Variants in UNC13A observed in about 807,000 individuals in gnomAD.
The protein encoded by UNC13A is protein unc-13 homolog A.
Under a neutral mutation model 219.7 loss-of-function variants are expected in UNC13A, and 61 were observed. That is an observed-to-expected ratio of 0.28 (90% CI 0.23 to 0.34). The LOEUF is 0.34. Ranked by LOEUF, UNC13A falls within the 10% of genes least tolerant of loss-of-function variation. UNC13A has a pLI of 1.00. For synonymous variants in UNC13A, 920 were observed against 884.6 expected (o/e 1.04, Z -0.71); for missense variants, 1,476 against 2,270.3 (o/e 0.65, Z 7.11).
intron 10 of UNC13A, 117 bp downstream of exon 10, chr19:17,655,766 G>A: frequency 7.0e-7 from 1 of 1,423,250 alleles, no homozygotes; most frequent in Non-Finnish European, 9.1e-7. Flanking sequence ...AGAAACCCAA[G>A]AGCCTGTGAC....
chr19:17,606,001 C>T lies in UNC13A; in HGVS notation c.*53G>A. 1 of 1,382,254 alleles carries T rather than the reference C, an allele frequency of 7.2e-7. No individual in the cohort carries two copies. The highest frequency in any genetic ancestry group is 3.0e-5 in the East Asian group (1 of 32,820). 85.6% of individuals were successfully genotyped at this position (1,382,254 alleles called of 1,614,324 possible). On this transcript the variant is annotated 3_prime_UTR_variant, in exon 44 of 44. Coordinates refer to ENST00000519716, the MANE Select transcript of UNC13A (RefSeq NM_001080421.3). ...CCACCAAGGCGCAAGCCCCGTCCCT[C>T]CCCGCCCAGCGCCCTCCGCGCAGGC...
At position 17,656,308 on chromosome 19, in the gene UNC13A, G is replaced by A. The variant is rs369843698; in HGVS notation, c.858C>T (p.Ser286=). Residue 286 remains serine (S), a synonymous_variant, in exon 10 of 44, where the codon AGC becomes AGT. Transcript: ENST00000519716. ...LSEDFDPDEH[S]LQGSDMEDER... ...CATCCTCCATGTCGGAGCCCTGCAG[G>A]CTGTGCTCGTCAGGGTCGAAGTCCT... 340 of 1,554,712 alleles carry A rather than the reference G, an allele frequency of 2.2e-4. No homozygotes were observed. Among genetic ancestry groups the A allele is most frequent in the Non-Finnish European group, 2.8e-4 (320 of 1,149,100 alleles).
chr19:17,667,373 G>A (rs2145895927), intron 6 of UNC13A, among the ~76,000 whole-genome samples: 1 of 152,290 alleles, frequency 6.6e-6, no homozygotes, highest in East Asian at 1.9e-4. Flanking sequence ...TTTGAGTAAT[G>A]CCATGGAATT....
At position 17,619,964 on chromosome 19, in the gene UNC13A, T is replaced by A. The variant is rs558680283; in HGVS notation, c.4272+729A>T. ...AGGAAAATTATATCCACTTTGTGGC[T>A]TAGTCTGGACTGAACAAGTCTTTGC... On this transcript the variant is annotated intron_variant, in intron 38 of 43. Coordinates refer to ENST00000519716, the MANE Select transcript of UNC13A (RefSeq NM_001080421.3). Among the ~76,000 whole-genome samples the A allele has an allele frequency of 6.6e-5, 10 of 152,300 alleles. No homozygotes were observed. The South Asian group carries it at 2.1e-3, about 32-fold the overall frequency.
intron 26 of UNC13A, among the ~76,000 whole-genome samples, chr19:17,635,389 C>T (rs957911459): frequency 4.6e-5 from 7 of 152,168 alleles, no homozygotes; most frequent in East Asian, 1.9e-4. Context: ...GATATGTTAA[C>T]GCCCCAAAGC....
intron 30 of UNC13A, 56 bp downstream of exon 30, chr19:17,630,089 C>A (rs2076826658): frequency 6.5e-7 from 1 of 1,529,130 alleles, no homozygotes; most frequent in Non-Finnish European, 8.8e-7. Flanking sequence ...ACTCAGACTT[C>A]AATTCCCTAA....
intron 40 of UNC13A, among the ~76,000 whole-genome samples, chr19:17,618,108 C>T (rs555172594): frequency 3.0e-4 from 45 of 152,222 alleles, no homozygotes; most frequent in Non-Finnish European, 5.9e-4. Flanking sequence ...TCAAGAAATG[C>T]CTGGCACGAG....
At position 17,656,076 on chromosome 19, in the gene UNC13A, C is replaced by T. The variant is rs1435596902; in HGVS notation, c.1090G>A (p.Val364Ile). Residue 364 changes from valine to isoleucine, a missense_variant, in exon 10 of 44, where the codon GTA becomes ATA. Coordinates refer to ENST00000519716, the MANE Select transcript of UNC13A (RefSeq NM_001080421.3). ...AAGTCTTTGGGCTCAGCCACAGCTA[C>T]GTCTTCACGCTGGGCATAGCTGCCC... is the stretch of plus-strand genomic sequence containing the variant. ...DLGSYAQRED[V>I]AVAEPKDFKR... 13 of 1,553,666 alleles carry T rather than the reference C, an allele frequency of 8.4e-6. No homozygotes were observed. The highest frequency in any genetic ancestry group is 8.7e-6 in the Non-Finnish European group (10 of 1,148,064).
intron 35 of UNC13A, 91 bp downstream of exon 35, chr19:17,624,738 T>A: frequency 6.7e-7 from 1 of 1,492,908 alleles, no homozygotes; most frequent in Non-Finnish European, 8.9e-7. Flanking sequence ...GATGCCTTTG[T>A]TCTTACCCCC....
chr19:17,607,812 T>C (rs2076550152), intron 43 of UNC13A, among the ~76,000 whole-genome samples: 1 of 150,586 alleles, frequency 6.6e-6, no homozygotes, highest in Admixed American at 6.7e-5. Flanking sequence ...CCCAAGGATC[T>C]ACCCCGGATG....
intron 40 of UNC13A, 68 bp downstream of exon 40, chr19:17,618,353 G>T: frequency 6.7e-7 from 1 of 1,496,188 alleles, no homozygotes; most frequent in East Asian, 2.5e-5. Context: ...GCGAGCCTAA[G>T]TCCATGACCA....
chr19:17,677,892 C>T (rs766543383), intron 1 of UNC13A, among the ~76,000 whole-genome samples: 13 of 152,206 alleles, frequency 8.5e-5, no homozygotes, highest in Non-Finnish European at 1.5e-4. Context: ...ACCATACCCA[C>T]GTTCGTTTTG....
chr19:17,611,946 G>GAT (rs2076608814), intron 41 of UNC13A, 91 bp from the exon 42 acceptor site: 1 of 1,107,788 alleles, frequency 9.0e-7, no homozygotes, highest in Non-Finnish European at 1.4e-6. Flanking sequence ...CACCTGTGCT[G>GAT]GCGGCACCAG....
chr19:17,616,039 A>C (rs1427862405), intron 41 of UNC13A, among the ~76,000 whole-genome samples: 1 of 152,202 alleles, frequency 6.6e-6, no homozygotes, highest in Non-Finnish European at 1.5e-5. Context: ...TTTACAGATG[A>C]GAAAACTGAG....
intron 19 of UNC13A, among the ~76,000 whole-genome samples, chr19:17,643,621 A>G (rs1253136099): frequency 6.6e-6 from 1 of 152,092 alleles, no homozygotes; most frequent in Admixed American, 6.6e-5. Flanking sequence ...GTCCTCCCAG[A>G]CTTCCGGAAA....
intron 6 of UNC13A, among the ~76,000 whole-genome samples, chr19:17,667,429 A>G (rs533119717): frequency 2.6e-5 from 4 of 152,134 alleles, no homozygotes; most frequent in Non-Finnish European, 5.9e-5. Context: ...AAACCTGCAC[A>G]TGTATCCGCC....
At chr19:17,613,529 T>A (rs955266629) in intron 41 of UNC13A, among the ~76,000 whole-genome samples, 1 of 151,950 alleles carries the variant, frequency 6.6e-6, no homozygotes, top group Non-Finnish European at 1.5e-5. Context: ...TAGGTTACTA[T>A]TACCTCTCCC....
At chr19:17,617,615 G>C (rs2076680768) in intron 41 of UNC13A, 87 bp downstream of exon 41, 1 of 1,555,462 alleles carries the variant, frequency 6.4e-7, no homozygotes, top group Admixed American at 1.7e-5. Context: ...GACGTCACAG[G>C]GGAGTGAGCC....
At chr19:17,624,633 T>G (rs956915908) in intron 35 of UNC13A, among the ~76,000 whole-genome samples, 196 bp downstream of exon 35, 10 of 152,160 alleles carry the variant, frequency 6.6e-5, no homozygotes, top group Non-Finnish European at 4.4e-5. Flanking sequence ...AACCCCTGTG[T>G]GAACTCTCTG....
Sources: allele counts gnomAD v4.1 joint callset (sites outside exome capture counted in the v4.1 genomes callset), GRCh38; gene constraint gnomAD v4.1.1; transcripts MANE v1.5; gene names NCBI Gene and HGNC (gene_info 2026-07-23, HGNC 2026-07-21).